GDPD3: variants seen among roughly 807,000 people sequenced by gnomAD.
GDPD3 encodes lysophospholipase D GDPD3.
Under a neutral mutation model 43.7 loss-of-function variants are expected in GDPD3, and 40 were observed. The ratio of observed to expected loss-of-function variants is 0.91; its 90% CI spans 0.71 to 1.19. GDPD3 has a LOEUF of 1.19. Ranked by LOEUF, GDPD3 falls within the 50% of genes most tolerant of loss-of-function variation. GDPD3 has a pLI of 0.00. For missense variants in GDPD3, 363 were observed against 415.8 expected (o/e 0.87, Z 1.11); for synonymous variants, 145 against 162.9 (o/e 0.89, Z 0.84).
In GDPD3 at chr16:30,112,991, T is replaced by C. The variant is rs763688835; in HGVS notation, c.182+31A>G. 2.5e-6 allele frequency: 4 copies of C among 1,606,522 alleles called. No homozygotes were observed. The Admixed American group carries it at 6.7e-5, about 27-fold the overall frequency. On this transcript the variant is annotated intron_variant, in intron 2 of 9. Coordinates refer to ENST00000406256, the MANE Select transcript of GDPD3 (RefSeq NM_024307.3). The surrounding 1 kb of genome is among the most constrained non-coding windows in gnomAD (Gnocchi z 5.4). ...AGTCCACGACCTGCACACCCTCACA[T>C]GGCAGCCTGGGCAGGGGCAGATACA...
rs201861157 is a variant in GDPD3 at position 30,113,386 on chromosome 16, C to T, written c.93G>A (p.Thr31=). Residue 31 remains threonine (T), a synonymous_variant, in exon 1 of 10, where the codon ACG becomes ACA. Coordinates refer to ENST00000406256, the MANE Select transcript of GDPD3 (RefSeq NM_024307.3). The surrounding 1 kb of genome is among the most constrained non-coding windows in gnomAD (Gnocchi z 5.9). ...GGATGCGGAAGGTGGGAGCCCTGGG[C>T]GTGTGCAGCAGATGAGGCCGGCGCA... is the stretch of plus-strand genomic sequence containing the variant. ...FFLRRPHLLH[T]PRAPTFRIRL... is the part of the protein sequence containing the mutation. 1,821 of 1,611,656 alleles carry T rather than the reference C, an allele frequency of 1.1e-3. 2 individuals are homozygous for T. Among genetic ancestry groups the T allele is most frequent in the South Asian group, 2.9e-3 (265 of 90,824 alleles).
At chr16:30,108,771 G>A (rs1416394379) in intron 7 of GDPD3, among the ~76,000 whole-genome samples, 2 of 152,112 alleles carry the variant, frequency 1.3e-5, no homozygotes, top group Non-Finnish European at 1.5e-5. Context: ...CCAGGCTGCA[G>A]GCCCTCCTGG....
At position 30,112,310 on chromosome 16, in the gene GDPD3, C is replaced by T. The variant is rs370395287; in HGVS notation, c.479G>A (p.Arg160His). 46 of 1,613,990 alleles carry T rather than the reference C, an allele frequency of 2.9e-5. No individual in the cohort carries two copies. Among genetic ancestry groups the T allele is most frequent in the Admixed American group, 8.3e-5 (5 of 60,004 alleles). Residue 160 changes from arginine (R) to histidine (H), a missense_variant, in exon 5 of 10, where the codon CGT (arginine) becomes CAT (histidine). Arg to His is a conservative substitution (Grantham distance 29). Transcript: ENST00000406256. The surrounding 1 kb of genome is among the most constrained non-coding windows in gnomAD (Gnocchi z 5.4). ...TAGCCCTGCCTGCAGCACCACCTCA[C>T]GGATGAGCTCTTCGTTCTTCCCTTT... Reference protein sequence around the residue: ...EIKGKNEELIREIAGLVRRYD... With the variant: ...EIKGKNEELIHEIAGLVRRYD...
At position 30,107,986 on chromosome 16, in the gene GDPD3, GACAC is replaced by G. The variant is rs113091799; in HGVS notation, c.819+223_819+226del. ...GCCTGGGTGACAGAGTGAGACTCTTGACACACACACACACACACACACACACACA... is the reference window on the plus strand; with the variant it reads ...GCCTGGGTGACAGAGTGAGACTCTTGACACACACACACACACACACACACA... On this transcript the variant is annotated intron_variant, in intron 9 of 9. Transcript: ENST00000406256. The G allele has an allele frequency of 4.1e-3, 1,101 of 267,714 alleles. 1 individual carries two copies. Among genetic ancestry groups the G allele is most frequent in the East Asian group, 0.012 (181 of 15,372 alleles). 16.6% of individuals were successfully genotyped at this position (267,714 alleles called of 1,614,324 possible). A position where few individuals can be genotyped will look rare whatever the true frequency, so the allele number is the denominator to read the frequency against.
At chr16:30,109,096 C>T (rs1037321289) in intron 7 of GDPD3, among the ~76,000 whole-genome samples, 4 of 152,020 alleles carry the variant, frequency 2.6e-5, no homozygotes, top group Non-Finnish European at 5.9e-5. Context: ...TCCCAAAGTG[C>T]TGGGATTACA....
At chr16:30,106,005 G>A (rs925171610) in intron 9 of GDPD3, among the ~76,000 whole-genome samples, 8 of 151,882 alleles carry the variant, frequency 5.3e-5, no homozygotes, top group Non-Finnish European at 1.5e-5. Context: ...CAGCTACTCA[G>A]AAGGCTGAGG....
chr16:30,109,432 C>A (rs1043463558), intron 7 of GDPD3, among the ~76,000 whole-genome samples: 1 of 152,072 alleles, frequency 6.6e-6, no homozygotes, highest in African/African-American at 2.4e-5. Flanking sequence ...TTGCTTGAAC[C>A]CAGGAGGCGG....
rs377391595 is a variant in GDPD3, at chr16:30,112,274, G to A, written c.483+32C>T. The stretch of plus-strand genomic sequence containing the variant: ...AGAGCCAGGCCTCTCTCACGCCCCC[G>A]GTGGCCGCCCTAGCCCTGCCTGCAG... On this transcript the variant is annotated intron_variant, in intron 5 of 9. Transcript: ENST00000406256. This position sits in a 1 kb window ranked among gnomAD's most constrained non-coding sequence, Gnocchi z 5.4. 1.7e-5 allele frequency: 27 copies of A among 1,613,192 alleles called. No homozygotes were observed. In the African/African-American group the frequency reaches 2.0e-4, roughly 12 times the overall value.
rs375543459 is a variant in GDPD3 at position 30,108,455 on chromosome 16, G to A, written c.708-23C>T. On this transcript the variant is annotated intron_variant, in intron 7 of 9. Transcript: ENST00000406256. The stretch of plus-strand genomic sequence containing the variant: ...GTCCTGCAGAGAGAAGGAAGTGGGG[G>A]TTAGCTCCTAGGGTCTCCCCTGTCC... The A allele has an allele frequency of 1.2e-5, 20 of 1,612,480 alleles. No individual in the cohort carries two copies. The African/African-American group carries it at 2.4e-4, about 19-fold the overall frequency.
At position 30,112,866 on chromosome 16, in the gene GDPD3, C is replaced by G; in HGVS notation, c.183-73G>C. The G allele has an allele frequency of 1.3e-6, 2 of 1,564,250 alleles. No homozygotes were observed. Among genetic ancestry groups the G allele is most frequent in the Non-Finnish European group, 1.8e-6 (2 of 1,142,684 alleles). ...AGGGGCATGGTGGCTGGGAGGTGGC[C>G]GGGAATGTGAGAGCGGAGTTCGTGG... On this transcript the variant is annotated intron_variant, in intron 2 of 9. Transcript: ENST00000406256. This position sits in a 1 kb window ranked among gnomAD's most constrained non-coding sequence, Gnocchi z 5.4.
At chr16:30,111,782 A>C in intron 6 of GDPD3, 1 of 522,286 alleles carries the variant, frequency 1.9e-6, no homozygotes, top group South Asian at 2.2e-5. Context: ...AAAATACAAA[A>C]ATTAGCTGGG....
chr16:30,112,487 C>T lies in GDPD3; in HGVS notation c.364+36G>A, dbSNP rs1221514811. The stretch of plus-strand genomic sequence containing the variant: ...AAGGCGGAGGTCCAAGGAAGGCAGG[C>T]ATGGCCCAGGCAGGGCTCGAAGCCC... On this transcript the variant is annotated intron_variant, in intron 4 of 9. Transcript: ENST00000406256. This position sits in a 1 kb window ranked among gnomAD's most constrained non-coding sequence, Gnocchi z 5.4. The T allele has an allele frequency of 6.2e-7, 1 of 1,614,012 alleles. No individual in the cohort carries two copies. Among genetic ancestry groups the T allele is most frequent in the African/African-American group, 1.3e-5 (1 of 75,048 alleles).
intron 7 of GDPD3, 131 bp from the exon 8 acceptor site, chr16:30,108,563 T>G (rs2072876796): frequency 1.3e-6 from 1 of 781,744 alleles, no homozygotes; most frequent in Non-Finnish European, 2.2e-6. Context: ...AGAATAACCT[T>G]TGTAGTTGCC....
chr16:30,108,717 G>A (rs2072877762), intron 7 of GDPD3, among the ~76,000 whole-genome samples: 1 of 152,208 alleles, frequency 6.6e-6, no homozygotes, highest in African/African-American at 2.4e-5. Flanking sequence ...GCAGAGTGGT[G>A]GTGGGGCTGG....
chr16:30,108,057 G>C, intron 9 of GDPD3, 156 bp downstream of exon 9: 1 of 597,764 alleles, frequency 1.7e-6, no homozygotes. Context: ...GTGTGTGTGT[G>C]TATCCAGAGA....
In GDPD3 at chr16:30,108,256, A is replaced by G. The variant is rs757270367; in HGVS notation, c.776T>C (p.Met259Thr). ...CAAGTGTCGGATCAGACTCTTCCTC[A>G]TGATCAGCCTGGGGGTGGGGTGGGG... is the stretch of plus-strand genomic sequence containing the variant. The part of the protein sequence containing the change: ...LLAVVSKWLI[M>T]RKSLIRHLEE... The change falls in exon 9 of 10, where the codon ATG becomes ACG. Residue 259 changes from methionine (M) to threonine (T), a missense_variant. Met to Thr is a moderately conservative substitution (Grantham distance 81, BLOSUM62 -1). Coordinates refer to ENST00000406256, the MANE Select transcript of GDPD3 (RefSeq NM_024307.3). 2 of 1,611,208 alleles carry G rather than the reference A, an allele frequency of 1.2e-6. No individual in the cohort carries two copies. The highest frequency in any genetic ancestry group is 1.7e-6 in the Non-Finnish European group (2 of 1,178,508).
chr16:30,109,049 C>T (rs931068059), intron 7 of GDPD3, among the ~76,000 whole-genome samples: 2 of 152,032 alleles, frequency 1.3e-5, no homozygotes, highest in Non-Finnish European at 2.9e-5. Flanking sequence ...CCAGGATGGT[C>T]TCGATCTCCT....
chr16:30,106,107 T>C (rs2072859137), intron 9 of GDPD3, among the ~76,000 whole-genome samples: 1 of 151,906 alleles, frequency 6.6e-6, no homozygotes, highest in Non-Finnish European at 1.5e-5. Context: ...CAAGACTCTG[T>C]CTCAAAAAAC....
At chr16:30,111,248 G>A (rs1369194755) in intron 7 of GDPD3, 140 bp downstream of exon 7, 2 of 915,532 alleles carry the variant, frequency 2.2e-6, no homozygotes, top group Admixed American at 2.4e-5. Context: ...ATTCATGAAT[G>A]CTGGGTAAGA....
Sources: allele counts gnomAD v4.1 joint callset (sites outside exome capture counted in the v4.1 genomes callset), GRCh38; gene constraint gnomAD v4.1.1; non-coding constraint Gnocchi (gnomAD v3.1); transcripts MANE v1.5; gene names NCBI Gene and HGNC (gene_info 2026-07-23, HGNC 2026-07-21).